Variants in RARB observed in about 807,000 individuals in gnomAD.
The protein encoded by RARB is retinoic acid receptor beta, also known as HBV-activated protein.
Under a neutral mutation model 51.9 loss-of-function variants are expected in RARB, and 17 were observed. The ratio of observed to expected loss-of-function variants is 0.33; its 90% confidence interval spans 0.22 to 0.49. The LOEUF (loss-of-function observed/expected upper bound fraction) is 0.49, where lower values mean the gene tolerates loss of function less well. RARB is among the 20% of genes least tolerant of loss of function. RARB has a pLI of 0.99. For synonymous variants in RARB, 215 were observed against 195.4 expected (o/e 1.10, Z -0.84); for missense variants, 369 against 550.8 (o/e 0.67, Z 3.30).
rs367668620 is a variant in RARB, at chr3:25,404,797, G to A, written c.179-56396G>A. ...ACAAGTGAAGATTTTTGTGGTTTCT[G>A]TTCTGAAAGATCATACCAAACTCCT... On this transcript the variant is annotated intron_variant, in intron 5 of 11. Coordinates refer to the RARB transcript ENST00000383772. Among the ~76,000 whole-genome samples, 4 of 152,136 alleles carry A rather than the reference G, an allele frequency of 2.6e-5. No homozygotes were observed. In the East Asian group the frequency reaches 7.7e-4, roughly 29 times the overall value.
intron 2 of RARB, among the ~76,000 whole-genome samples, chr3:25,491,900 C>T (rs921925856): frequency 5.1e-4 from 77 of 151,550 alleles, no homozygotes; most frequent in Admixed American, 3.6e-3. Flanking sequence ...AAGAATGCAC[C>T]GCTGTACTCC....
intron 2 of RARB, among the ~76,000 whole-genome samples, chr3:25,025,641 G>C (rs910746129): frequency 2.6e-5 from 4 of 152,182 alleles, no homozygotes; most frequent in Admixed American, 6.5e-5. Context: ...GGACAATCTG[G>C]AGAGTATGTT....
chr3:25,231,969 A>G (rs982414278), intron 5 of RARB, among the ~76,000 whole-genome samples: 2 of 152,050 alleles, frequency 1.3e-5, no homozygotes, highest in African/African-American at 4.8e-5. Flanking sequence ...TCATTGCCCA[A>G]CAAAGGTCAC....
intron 2 of RARB, among the ~76,000 whole-genome samples, chr3:25,007,695 A>C (rs1697306261): frequency 6.6e-6 from 1 of 151,852 alleles, no homozygotes. Context: ...GTACTGCCTT[A>C]TAAGACTCAA....
chr3:25,466,969 C>T (rs982104524), intron 2 of RARB, among the ~76,000 whole-genome samples: 9 of 152,352 alleles, frequency 5.9e-5, no homozygotes, highest in South Asian at 2.1e-4. Context: ...GTGGCAAGCC[C>T]GCTGGTTTTG....
intron 2 of RARB, among the ~76,000 whole-genome samples, chr3:24,913,619 T>C (rs1695047673): frequency 1.3e-5 from 2 of 152,134 alleles, no homozygotes; most frequent in South Asian, 4.1e-4. Flanking sequence ...TAGTGGACAA[T>C]CAAATGCCAG....
At chr3:24,934,052 T>G (rs1219518421) in intron 2 of RARB, among the ~76,000 whole-genome samples, 1 of 152,164 alleles carries the variant, frequency 6.6e-6, no homozygotes, top group African/African-American at 2.4e-5. Flanking sequence ...AGCTTCTCAA[T>G]GAAGTTCCCT....
chr3:25,092,275 T>A (rs1046271559), intron 3 of RARB, among the ~76,000 whole-genome samples: 8 of 152,218 alleles, frequency 5.3e-5, no homozygotes, highest in Non-Finnish European at 8.8e-5. Flanking sequence ...TGAGCTCTTT[T>A]GAGAACAGAA....
intron 2 of RARB, among the ~76,000 whole-genome samples, chr3:24,978,583 G>A (rs1250681934): frequency 2.6e-5 from 4 of 152,150 alleles, no homozygotes; most frequent in African/African-American, 7.2e-5. Context: ...TTGTATTTCT[G>A]TGGGGTTGTT....
chr3:24,912,246 C>T lies in RARB; in HGVS notation c.-380+53494C>T, dbSNP rs756894349. Among the ~76,000 whole-genome samples the T allele has an allele frequency of 3.3e-5, 5 of 152,102 alleles. No individual in the cohort carries two copies. In the South Asian group the frequency reaches 8.3e-4, roughly 25 times the overall value. Reference sequence around the variant, plus strand: ...TTGTTGGCATCAGGCATACAAGGTACGAATCCTACTTCTTCCATGTTTTAT... The same window carrying T: ...TTGTTGGCATCAGGCATACAAGGTATGAATCCTACTTCTTCCATGTTTTAT... On this transcript the variant is annotated intron_variant, in intron 2 of 11. Coordinates refer to the RARB transcript ENST00000383772.
At chr3:25,308,454 T>C (rs1008223495) in intron 5 of RARB, among the ~76,000 whole-genome samples, 21 of 150,434 alleles carry the variant, frequency 1.4e-4, no homozygotes, top group African/African-American at 4.4e-4. Context: ...CTTTCTTTTT[T>C]TTTTTTTTTT....
At chr3:25,494,337 C>T (rs1016789056) in intron 2 of RARB, among the ~76,000 whole-genome samples, 1 of 151,970 alleles carries the variant, frequency 6.6e-6, no homozygotes. Flanking sequence ...CACTTTCTTA[C>T]TCCTGATCTC....
intron 5 of RARB, among the ~76,000 whole-genome samples, chr3:25,312,758 A>G (rs322698): frequency 0.27 from 40,512 of 152,146 alleles, 5,666 homozygotes; most frequent in Admixed American, 0.35. Flanking sequence ...TACAATCTGC[A>G]TAGATGGCCC....
rs772873447 is a variant in RARB, at chr3:25,593,717, A to G, written c.991+10A>G. ...TGCTTAATCTGTGGAGGTACCAACT[A>G]TGTAGAAAAGCCTCATGAAATTCCA... On this transcript the variant is annotated intron_variant, in intron 6 of 7. Transcript: ENST00000330688. 3.7e-5 allele frequency: 59 copies of G among 1,609,598 alleles called. No homozygotes were observed. In the Admixed American group the frequency reaches 9.5e-4, roughly 26 times the overall value.
At chr3:24,978,546 G>T (rs1696570171) in intron 2 of RARB, among the ~76,000 whole-genome samples, 1 of 152,122 alleles carries the variant, frequency 6.6e-6, no homozygotes, top group African/African-American at 2.4e-5. Flanking sequence ...TTGCATAGAG[G>T]TGTTTATAGT....
At chr3:25,138,684 A>C (rs952711141) in intron 4 of RARB, among the ~76,000 whole-genome samples, 9 of 152,152 alleles carry the variant, frequency 5.9e-5, no homozygotes, top group African/African-American at 2.2e-4. Context: ...ATGTATCTGC[A>C]TGGACAATTA....
At chr3:25,201,745 G>C (rs139230621) in intron 5 of RARB, among the ~76,000 whole-genome samples, 2 of 152,046 alleles carry the variant, frequency 1.3e-5, no homozygotes, top group Non-Finnish European at 2.9e-5. Context: ...ATTGGTTTTC[G>C]TATGTTGAAC....
intron 5 of RARB, among the ~76,000 whole-genome samples, chr3:25,289,989 T>C (rs1442872049): frequency 6.6e-6 from 1 of 152,134 alleles, no homozygotes; most frequent in African/African-American, 2.4e-5. Context: ...AGGAAAAGAC[T>C]CTGGAAGGTA....
intron 5 of RARB, among the ~76,000 whole-genome samples, chr3:25,275,156 G>A (rs192902456): frequency 2.0e-4 from 30 of 152,216 alleles, no homozygotes; most frequent in Admixed American, 1.1e-3. Context: ...CAGACTCTCC[G>A]TGAGCACCTC....
Sources: gnomAD v4.1 joint callset for allele counts (sites outside exome capture counted in the v4.1 genomes callset) on GRCh38, gnomAD v4.1.1 for gene constraint, MANE v1.5 for transcripts, NCBI Gene and HGNC (gene_info 2026-07-23, HGNC 2026-07-21) for gene names.